Variants in TUG1 observed in about 807,000 individuals in gnomAD.
TUG1 encodes taurine upregulated gene 1.
At chr22:30,978,716 A>T (rs2041316432) in exon 3 of TUG1, 1 of 152,264 alleles carries the variant, frequency 6.6e-6, no homozygotes, top group African/African-American at 2.4e-5. Context: ...AGGGGAAAGC[A>T]GAGCCAAAAT....
exon 3 of TUG1, chr22:30,975,267 A>C (rs1043407163): frequency 6.6e-6 from 1 of 152,244 alleles, no homozygotes; most frequent in African/African-American, 2.4e-5. Context: ...CCAGAGTAAA[A>C]GTGAAGCTGC....
exon 2 of TUG1, chr22:30,973,328 C>T (rs568389707): frequency 1.3e-5 from 2 of 152,360 alleles, no homozygotes; most frequent in East Asian, 3.9e-4. Context: ...TCATGAACAT[C>T]TAGGATCCCG....
At chr22:30,978,792 A>C (rs1213173974) in exon 3 of TUG1, 1 of 152,214 alleles carries the variant, frequency 6.6e-6, no homozygotes, top group Non-Finnish European at 1.5e-5. Context: ...TGAAGCTAGA[A>C]TATCCCCTGG....
exon 1 of TUG1, chr22:30,971,653 G>A (rs577464901): frequency 6.5e-6 from 1 of 153,248 alleles, no homozygotes; most frequent in South Asian, 2.1e-4. Flanking sequence ...TGTTGACCTT[G>A]CTGTGAGAAA....
chr22:30,974,131 A>G (rs1306911740), intron 2 of TUG1: 1 of 152,164 alleles, frequency 6.6e-6, no homozygotes, highest in Non-Finnish European at 1.5e-5. Context: ...TTTGCAAACT[A>G]GTATTTACAC....
At chr22:30,974,304 T>TG (rs1250429515) in intron 2 of TUG1, 3 of 149,874 alleles carry the variant, frequency 2.0e-5, no homozygotes, top group South Asian at 2.1e-4. Flanking sequence ...TCAGGAGACT[T>TG]GCAGCAAATT....
exon 3 of TUG1, chr22:30,975,428 G>A (rs1409442358): frequency 1.3e-5 from 2 of 152,254 alleles, no homozygotes; most frequent in Non-Finnish European, 2.9e-5. Flanking sequence ...ACAGCAATAT[G>A]TTTGACCTGA....
At chr22:30,978,510 TC>T (rs1250909376) in exon 3 of TUG1, 4 of 152,206 alleles carry the variant, frequency 2.6e-5, no homozygotes, top group Admixed American at 6.5e-5. Context: ...AACCACCTCT[TC>T]CTATTTTCAG....
At chr22:30,976,891 G>A (rs983641159) in exon 3 of TUG1, 1 of 152,200 alleles carries the variant, frequency 6.6e-6, no homozygotes. Context: ...TCTGGTTGCT[G>A]TAGACTGCTC....
At chr22:30,975,460 T>C (rs2041277783) in exon 3 of TUG1, 1 of 152,254 alleles carries the variant, frequency 6.6e-6, no homozygotes, top group African/African-American at 2.4e-5. Flanking sequence ...ATCTTTTCTG[T>C]ACCTCCACTC....
At chr22:30,970,617 T>A (rs1040892665) in exon 1 of TUG1, 2 of 152,232 alleles carry the variant, frequency 1.3e-5, no homozygotes, top group African/African-American at 4.8e-5. Context: ...GCCTGTACTT[T>A]TCTGACTCTC....
At chr22:30,976,143 A>G (rs530398675) in exon 3 of TUG1, 1 of 151,734 alleles carries the variant, frequency 6.6e-6, no homozygotes, top group South Asian at 2.1e-4. Flanking sequence ...TATTATGACT[A>G]TTCAGCTCAC....
At chr22:30,975,626 A>G (rs2041280151) in exon 3 of TUG1, 3 of 152,232 alleles carry the variant, frequency 2.0e-5, no homozygotes, top group Admixed American at 6.5e-5. Flanking sequence ...TCCACTCCAG[A>G]TGGATATCCA....
chr22:30,974,599 C>G (rs1228378987), intron 2 of TUG1: 1 of 152,180 alleles, frequency 6.6e-6, no homozygotes, highest in Admixed American at 6.5e-5. Context: ...TAGTATGTCT[C>G]TGTCATCTGA....
chr22:30,974,591 G>C (rs1466560503), intron 2 of TUG1: 1 of 152,124 alleles, frequency 6.6e-6, no homozygotes, highest in Non-Finnish European at 1.5e-5. Context: ...GGTTGAATTA[G>C]TATGTCTCTG....
At chr22:30,975,869 C>T (rs191875113) in exon 3 of TUG1, 1 of 152,278 alleles carries the variant, frequency 6.6e-6, no homozygotes, top group Admixed American at 6.5e-5. Context: ...TGGTACTCTA[C>T]TTCGTGTGCA....
At chr22:30,970,969 G>T (rs1445420403) in exon 1 of TUG1, 1 of 152,240 alleles carries the variant, frequency 6.6e-6, no homozygotes, top group Non-Finnish European at 1.5e-5. Flanking sequence ...TTGCTTGCAA[G>T]TGTAATACTA....
exon 3 of TUG1, chr22:30,976,169 T>G (rs1410705455): frequency 1.3e-5 from 2 of 152,142 alleles, no homozygotes; most frequent in East Asian, 3.9e-4. Context: ...CAGTTGAACT[T>G]CAAGCGACAA....
exon 3 of TUG1, chr22:30,978,320 T>C (rs569480839): frequency 2.6e-5 from 4 of 152,318 alleles, no homozygotes; most frequent in Admixed American, 6.5e-5. Flanking sequence ...GACAAACTTA[T>C]CTCTCATGGT....
Sources: allele counts gnomAD v4.1 joint callset, GRCh38; gene constraint gnomAD v4.1.1; transcripts MANE v1.5; gene names NCBI Gene and HGNC (gene_info 2026-07-23, HGNC 2026-07-21).